MINDY4B: variants seen among roughly 807,000 people sequenced by gnomAD.
MINDY4B encodes the protein inactive ubiquitin carboxyl-terminal hydrolase MINDY-4B.
A neutral mutation model predicts 16.7 loss-of-function variants in MINDY4B; 25 were observed. That is an observed-to-expected ratio of 1.49 (90% confidence interval 1.09 to 2.09). The LOEUF (loss-of-function observed/expected upper bound fraction) is 2.09, where lower values mean the gene tolerates loss of function less well. Among genes scored for constraint, MINDY4B ranks in the 30% most tolerant of loss-of-function variants. MINDY4B has a pLI of 0.00. For synonymous variants in MINDY4B, 132 were observed against 61.9 expected, an observed-to-expected ratio of 2.13 and a Z score of -5.32; for missense variants, 327 against 168.4, an observed-to-expected ratio of 1.94 and a Z score of -5.21.
At chr3:150,889,262 A>C (rs1444108305) in intron 7 of MINDY4B, among the ~76,000 whole-genome samples, 1 of 152,246 alleles carries the variant, frequency 6.6e-6, no homozygotes, top group Non-Finnish European at 1.5e-5. Flanking sequence ...GCGAGAGAAG[A>C]ATCTGTTTCC....
intron 3 of MINDY4B, among the ~76,000 whole-genome samples, chr3:150,900,225 G>A (rs1016202891): frequency 2.0e-5 from 3 of 152,198 alleles, no homozygotes; most frequent in Non-Finnish European, 4.4e-5. Flanking sequence ...ATTGGAAAGA[G>A]GACAGCAAAA....
chr3:150,877,657 A>G (rs1443819493), intron 10 of MINDY4B, among the ~76,000 whole-genome samples: 1 of 152,128 alleles, frequency 6.6e-6, no homozygotes, highest in East Asian at 1.9e-4. Context: ...CAGGAGGTAA[A>G]GTGGAGGCAG....
At chr3:150,876,538 T>G (rs1711497280) in intron 10 of MINDY4B, among the ~76,000 whole-genome samples, 1 of 152,210 alleles carries the variant, frequency 6.6e-6, no homozygotes, top group South Asian at 2.1e-4. Flanking sequence ...CTTTTCTCAC[T>G]GAGTTTGCAG....
chr3:150,881,115 G>T (rs1168790810), intron 10 of MINDY4B, among the ~76,000 whole-genome samples: 1 of 152,220 alleles, frequency 6.6e-6, no homozygotes, highest in Non-Finnish European at 1.5e-5. Context: ...CCAGGCAGTG[G>T]CTCACGCCTG....
chr3:150,890,441 G>A, intron 6 of MINDY4B, 56 bp from the exon 7 acceptor site: 1 of 568,520 alleles, frequency 1.8e-6, no homozygotes, highest in Non-Finnish European at 3.1e-6. Context: ...TTACATCTAA[G>A]AGATGTCAAC....
In MINDY4B at chr3:150,873,263, C is replaced by A. The variant is rs1360683638; in HGVS notation, c.1164G>T (p.Trp388Cys). The change falls in exon 11 of 12, where the codon TGG becomes TGT. Residue 388 changes from tryptophan to cysteine, a missense_variant. Trp to Cys is a radical substitution (Grantham distance 215). Transcript: ENST00000465419. ...ACAGATCAAAGAGACGTTCCATTTT[C>A]CAGTCTGATAAGAGCTGCCTGTTTG... Reference protein sequence around the residue: ...FCTNRQLLSDWKMERLFDLYF... With the variant: ...FCTNRQLLSDCKMERLFDLYF... 1 of 703,120 alleles carries A rather than the reference C, an allele frequency of 1.4e-6. No homozygotes were observed. Among genetic ancestry groups the A allele is most frequent in the South Asian group, 1.5e-5 (1 of 67,592 alleles). The allele number at this position is 703,120 out of a possible 1,614,324, so 43.6% of individuals were successfully genotyped here.
intron 10 of MINDY4B, among the ~76,000 whole-genome samples, chr3:150,876,312 T>C (rs1223036168): frequency 6.6e-6 from 1 of 152,010 alleles, no homozygotes; most frequent in African/African-American, 2.4e-5. Context: ...ATGTAATTCT[T>C]TTTTTTTATG....
intron 3 of MINDY4B, among the ~76,000 whole-genome samples, chr3:150,900,689 C>T (rs1007244574): frequency 6.6e-6 from 1 of 152,120 alleles, no homozygotes. Context: ...TCTTAACACC[C>T]TATCAACTTC....
chr3:150,870,509 A>G lies in MINDY4B; in HGVS notation c.*536T>C, dbSNP rs149119788. ...CCTACCAGGAATAACCCCTGCTTCA[A>G]ACCCCAAGAAGCCCATTTACTATTT... On this transcript the variant is annotated 3_prime_UTR_variant, in exon 12 of 12. Transcript: ENST00000465419. Among the ~76,000 whole-genome samples the G allele has an allele frequency of 6.6e-6, 1 of 152,340 alleles. No individual in the cohort carries two copies. The highest frequency in any genetic ancestry group is 1.5e-5 in the Non-Finnish European group (1 of 68,030).
intron 3 of MINDY4B, among the ~76,000 whole-genome samples, chr3:150,898,362 C>G (rs1712030917): frequency 6.6e-6 from 1 of 152,176 alleles, no homozygotes; most frequent in Non-Finnish European, 1.5e-5. Context: ...GCAAGCCAAA[C>G]CACACTCTTA....
At position 150,885,250 on chromosome 3, in the gene MINDY4B, A is replaced by C. The variant is rs1040564051; in HGVS notation, c.824+118T>G. ...AGGACGTGTCAACAAAAGAGAATCT[A>C]CTAGAAAAAAACATTGCATTCATGT... On this transcript the variant is annotated intron_variant, in intron 8 of 11. Transcript: ENST00000465419. 8 of 625,206 alleles carry C rather than the reference A, an allele frequency of 1.3e-5. No homozygotes were observed. In the African/African-American group the frequency reaches 1.5e-4, roughly 11 times the overall value. 38.7% of individuals were successfully genotyped at this position (625,206 alleles called of 1,614,324 possible). A position where few individuals can be genotyped will look rare whatever the true frequency, so the allele number is the denominator to read the frequency against.
At chr3:150,886,058 C>T (rs1711614874) in intron 7 of MINDY4B, among the ~76,000 whole-genome samples, 1 of 152,230 alleles carries the variant, frequency 6.6e-6, no homozygotes, top group Non-Finnish European at 1.5e-5. Context: ...ATGTGTCCCT[C>T]TCTAATGCAC....
intron 10 of MINDY4B, among the ~76,000 whole-genome samples, chr3:150,878,433 T>A (rs16862942): frequency 0.012 from 1,863 of 152,290 alleles, 44 homozygotes; most frequent in African/African-American, 0.042. Context: ...TACCTTTTTT[T>A]AAAACCAAAC....
chr3:150,873,911 A>G lies in MINDY4B; in HGVS notation c.1060-544T>C, dbSNP rs1017254707. ...ACACACATCACACATATACACATATATCTACAGGTTAACATGATCATTTGT... is the reference window on the plus strand; with the variant it reads ...ACACACATCACACATATACACATATGTCTACAGGTTAACATGATCATTTGT... On this transcript the variant is annotated intron_variant, in intron 10 of 11. Coordinates refer to ENST00000465419, the MANE Select transcript of MINDY4B (RefSeq NM_001351281.2). 1.1e-4 allele frequency among the ~76,000 whole-genome samples: 16 copies of G among 151,948 alleles called. No individual in the cohort carries two copies. The East Asian group carries it at 3.1e-3, about 29-fold the overall frequency.
chr3:150,898,054 T>C (rs1309610999), intron 3 of MINDY4B, among the ~76,000 whole-genome samples: 1 of 152,222 alleles, frequency 6.6e-6, no homozygotes, highest in East Asian at 1.9e-4. Context: ...TTAATTTACT[T>C]ATCCAGAAAT....
intron 3 of MINDY4B, among the ~76,000 whole-genome samples, chr3:150,896,858 TAAG>T (rs1383647694): frequency 6.6e-6 from 1 of 151,636 alleles, no homozygotes; most frequent in African/African-American, 2.4e-5. Flanking sequence ...TCTATTTATT[TAAG>T]AAGGACACTT....
At chr3:150,888,000 C>CG (rs1711671962) in intron 7 of MINDY4B, among the ~76,000 whole-genome samples, 1 of 141,004 alleles carries the variant, frequency 7.1e-6, no homozygotes. Flanking sequence ...CCCAGCTACT[C>CG]GGAGGCTGAG....
chr3:150,894,061 A>G lies in MINDY4B; in HGVS notation c.429+125T>C, dbSNP rs202060959. On this transcript the variant is annotated intron_variant, in intron 4 of 11. Coordinates refer to ENST00000465419, the MANE Select transcript of MINDY4B (RefSeq NM_001351281.2). ...GTTATCATTTAAGGTTAAACTTTAC[A>G]TTATAAATATATTTCTACACATGAT... 12 of 517,460 alleles carry G rather than the reference A, an allele frequency of 2.3e-5. No individual in the cohort carries two copies. In the East Asian group the frequency reaches 3.4e-4, roughly 15 times the overall value. 32.1% of individuals were successfully genotyped at this position (517,460 alleles called of 1,614,324 possible).
chr3:150,882,991 T>C lies in MINDY4B; in HGVS notation c.965A>G (p.Lys322Arg). 1 of 702,758 alleles carries C rather than the reference T, an allele frequency of 1.4e-6. No homozygotes were observed. The allele number at this position is 702,758 out of a possible 1,614,324, so 43.5% of individuals were successfully genotyped here. ...GACTCCATGTAGTGTTTCCTGAGAC[T>C]TTCCTTCCTCACAGCCATTGAAGAC... The part of the protein sequence containing the change: ...PNVFNGCEEG[K>R]SQETLHGVLT... Residue 322 changes from lysine (K) to arginine (R), a missense_variant, in exon 10 of 12, where the codon AAG becomes AGG. By Grantham distance (26) the Lys-to-Arg change is conservative. Transcript: ENST00000465419.
Sources: gnomAD v4.1 joint callset for allele counts (sites outside exome capture counted in the v4.1 genomes callset) on GRCh38, gnomAD v4.1.1 for gene constraint, MANE v1.5 for transcripts, NCBI Gene and HGNC (gene_info 2026-07-23, HGNC 2026-07-21) for gene names.